CHRM3: variants seen among roughly 807,000 people sequenced by gnomAD.
The protein encoded by CHRM3 is muscarinic acetylcholine receptor M3.
In CHRM3, 11 loss-of-function variants were observed where a neutral mutation model predicts 41.8. That is an observed-to-expected ratio of 0.26 (90% CI 0.17 to 0.44). The LOEUF is 0.44. CHRM3 is among the 20% of genes least tolerant of loss of function. CHRM3 has a pLI of 1.00. For missense variants in CHRM3, 571 were observed against 745.4 expected (o/e 0.77, Z 2.72); for synonymous variants, 297 against 301.4 (o/e 0.99, Z 0.15).
intron 1 of CHRM3, among the ~76,000 whole-genome samples, chr1:239,409,291 TG>T (rs1376509061): frequency 1.3e-5 from 2 of 152,202 alleles, no homozygotes; most frequent in Non-Finnish European, 2.9e-5. Context: ...ATACGTAATC[TG>T]GTTTTCAGGA....
At chr1:239,432,724 T>A (rs945679021) in intron 1 of CHRM3, among the ~76,000 whole-genome samples, 3 of 152,160 alleles carry the variant, frequency 2.0e-5, no homozygotes, top group Non-Finnish European at 4.4e-5. Flanking sequence ...AAGGAGAAGA[T>A]TGAGGTTTTA....
intron 6 of CHRM3, among the ~76,000 whole-genome samples, chr1:239,902,158 T>C (rs112685585): frequency 4.7e-4 from 71 of 152,300 alleles, no homozygotes; most frequent in Middle Eastern, 3.4e-3. Context: ...TCTTTCTCCC[T>C]GTGTTTCTAA....
intron 5 of CHRM3, among the ~76,000 whole-genome samples, chr1:239,683,559 A>G (rs1198076701): frequency 1.3e-5 from 2 of 152,064 alleles, no homozygotes; most frequent in Non-Finnish European, 2.9e-5. Context: ...TTTTTCTGCC[A>G]TATTAAGGAG....
At chr1:239,508,270 A>G (rs1178623268) in intron 2 of CHRM3, among the ~76,000 whole-genome samples, 3 of 152,236 alleles carry the variant, frequency 2.0e-5, no homozygotes, top group Non-Finnish European at 4.4e-5. Context: ...GTGGTTCTGT[A>G]CAGTGAAATA....
At chr1:239,873,744 G>T (rs548137680) in intron 6 of CHRM3, among the ~76,000 whole-genome samples, 1 of 152,218 alleles carries the variant, frequency 6.6e-6, no homozygotes, top group African/African-American at 2.4e-5. Flanking sequence ...TCCTTCTCAT[G>T]GTTCCCCCTG....
chr1:239,762,545 T>C (rs971767242), intron 5 of CHRM3, among the ~76,000 whole-genome samples: 2 of 152,210 alleles, frequency 1.3e-5, no homozygotes, highest in Non-Finnish European at 2.9e-5. Context: ...ATTGGGCCTG[T>C]GTTTAACATT....
intron 1 of CHRM3, among the ~76,000 whole-genome samples, chr1:239,417,350 T>C (rs1264897576): frequency 6.6e-6 from 1 of 152,170 alleles, no homozygotes; most frequent in East Asian, 1.9e-4. Context: ...GCTTGTTCCA[T>C]TTGGTTGTCT....
intron 3 of CHRM3, among the ~76,000 whole-genome samples, chr1:239,560,120 T>G (rs554693507): frequency 6.6e-6 from 1 of 152,240 alleles, no homozygotes; most frequent in Non-Finnish European, 1.5e-5. Context: ...TTGAGAAATT[T>G]GTGTTTGATA....
intron 1 of CHRM3, among the ~76,000 whole-genome samples, chr1:239,445,965 T>C (rs1369671419): frequency 6.6e-6 from 1 of 150,434 alleles, no homozygotes; most frequent in East Asian, 2.0e-4. Context: ...TGAGACAGAG[T>C]CTCGCTCTGT....
rs141825673 is a variant in CHRM3 at position 239,761,328 on chromosome 1, A to G, written c.-146-65924A>G. On this transcript the variant is annotated intron_variant, in intron 5 of 6. Coordinates refer to ENST00000676153, the MANE Select transcript of CHRM3 (RefSeq NM_001375978.1). ...TTGTGTGTGTGTATAAGCTCTTTTA[A>G]TGCCCTCATCTACAAATGATATCGT... Among the ~76,000 whole-genome samples the G allele has an allele frequency of 5.7e-3, 867 of 152,164 alleles. 4 individuals are homozygous for G. Among genetic ancestry groups the G allele is most frequent in the Non-Finnish European group, 9.0e-3 (610 of 67,994 alleles).
intron 1 of CHRM3, among the ~76,000 whole-genome samples, chr1:239,407,440 A>AGAGAGAGAGAGAGAGC (rs1240463600): frequency 2.7e-5 from 4 of 150,300 alleles, no homozygotes; most frequent in East Asian, 1.9e-4. Context: ...AGAGAGAGAG[A>AGAGAGAGAGAGAGAGC]GCGCTAAATT....
intron 5 of CHRM3, among the ~76,000 whole-genome samples, chr1:239,824,655 C>T (rs1395872012): frequency 6.6e-6 from 1 of 152,202 alleles, no homozygotes; most frequent in Non-Finnish European, 1.5e-5. Flanking sequence ...GACCAAAAGT[C>T]AGCCTTGTAA....
intron 5 of CHRM3, among the ~76,000 whole-genome samples, chr1:239,811,366 C>T (rs968088137): frequency 2.6e-5 from 4 of 152,224 alleles, no homozygotes; most frequent in Admixed American, 1.3e-4. Context: ...AATTAGCTTC[C>T]TTGCCAGACA....
intron 2 of CHRM3, among the ~76,000 whole-genome samples, chr1:239,529,599 G>A (rs1670225184): frequency 1.9e-5 from 2 of 105,984 alleles, no homozygotes; most frequent in South Asian, 3.9e-4. Context: ...GTGACAGAGA[G>A]ACTCCGTCTC....
intron 5 of CHRM3, among the ~76,000 whole-genome samples, chr1:239,695,745 T>A (rs1029576329): frequency 5.9e-5 from 9 of 152,154 alleles, no homozygotes; most frequent in Non-Finnish European, 1.3e-4. Flanking sequence ...AACAATTGTT[T>A]TTAAGAGCCA....
At chr1:239,864,031 A>G (rs1014965988) in intron 6 of CHRM3, among the ~76,000 whole-genome samples, 1 of 151,928 alleles carries the variant, frequency 6.6e-6, no homozygotes, top group Non-Finnish European at 1.5e-5. Flanking sequence ...GATCTTCTCC[A>G]TAGGTGCTGA....
intron 5 of CHRM3, among the ~76,000 whole-genome samples, chr1:239,725,597 G>A (rs948559219): frequency 6.6e-6 from 1 of 151,930 alleles, no homozygotes; most frequent in Admixed American, 6.6e-5. Flanking sequence ...AGTGTGCTTA[G>A]AACAGGGCAG....
At chr1:239,631,482 C>A (rs1262186890) in intron 3 of CHRM3, among the ~76,000 whole-genome samples, 1 of 152,216 alleles carries the variant, frequency 6.6e-6, no homozygotes, top group African/African-American at 2.4e-5. Context: ...GAGATCTCAT[C>A]CTCAAGTTCT....
intron 5 of CHRM3, among the ~76,000 whole-genome samples, chr1:239,678,690 C>T (rs1226593058): frequency 2.6e-5 from 4 of 152,014 alleles, no homozygotes; most frequent in Admixed American, 6.6e-5. Flanking sequence ...CTTTCCCCTC[C>T]CCAAATTAGT....
Sources: allele counts gnomAD v4.1 joint callset (sites outside exome capture counted in the v4.1 genomes callset), GRCh38; gene constraint gnomAD v4.1.1; transcripts MANE v1.5; gene names NCBI Gene and HGNC (gene_info 2026-07-23, HGNC 2026-07-21).